TENM2: variants seen among roughly 807,000 people sequenced by gnomAD.
TENM2 encodes teneurin transmembrane protein 2.
In TENM2, 52 loss-of-function variants were observed where a neutral mutation model predicts 245.2. That is an observed-to-expected ratio of 0.21 (90% CI 0.17 to 0.27). The LOEUF is 0.27. Among genes scored for constraint, TENM2 ranks in the 10% least tolerant of loss-of-function variants. The pLI is 1.00. For synonymous variants in TENM2, 1,363 were observed against 1,438.9 expected (o/e 0.95, Z 1.19); for missense variants, 3,046 against 3,666.8 (o/e 0.83, Z 4.37).
intron 2 of TENM2, among the ~76,000 whole-genome samples, chr5:167,663,144 G>A (rs1284464739): frequency 2.4e-5 from 1 of 41,506 alleles, no homozygotes; most frequent in Non-Finnish European, 4.3e-5. Context: ...GGGATGGGGA[G>A]AGAGAGAGAG....
the TENM2 span, among the ~76,000 whole-genome samples, chr5:167,054,099 G>A: frequency 1.3e-5 from 2 of 152,132 alleles, no homozygotes; most frequent in African/African-American, 4.8e-5. Flanking sequence ...TGCACGTTAC[G>A]TGGGTTTTGA....
At position 167,901,067 on chromosome 5, in the gene TENM2, C is replaced by T. The variant is rs995344322; in HGVS notation, c.712+24872C>T. 1.5e-4 allele frequency among the ~76,000 whole-genome samples: 23 copies of T among 152,040 alleles called. 1 individual carries two copies. Among genetic ancestry groups the T allele is most frequent in the Admixed American group, 7.2e-4 (11 of 15,274 alleles). Reference sequence around the variant, plus strand: ...TGTTTTTTCCTACATTCTAAGAACACGACAGAATAATTGGAATATGCATGT... The same window carrying T: ...TGTTTTTTCCTACATTCTAAGAACATGACAGAATAATTGGAATATGCATGT... On this transcript the variant is annotated intron_variant, in intron 3 of 28. Coordinates refer to ENST00000518659, the Ensembl canonical transcript of TENM2.
At chr5:167,406,441 G>C (rs556357044) in intron 2 of TENM2, among the ~76,000 whole-genome samples, 1 of 152,256 alleles carries the variant, frequency 6.6e-6, no homozygotes, top group South Asian at 2.1e-4. Flanking sequence ...AGAGTAGATT[G>C]AGTATTTCGG....
chr5:167,590,097 G>C (rs1029507136), intron 2 of TENM2, among the ~76,000 whole-genome samples: 2 of 114,270 alleles, frequency 1.8e-5, no homozygotes, highest in Admixed American at 9.9e-5. Context: ...TGAATTCTCT[G>C]CTTGATTACA....
At chr5:168,108,661 T>C (rs1043410702) in intron 9 of TENM2, among the ~76,000 whole-genome samples, 2 of 152,158 alleles carry the variant, frequency 1.3e-5, no homozygotes, top group Admixed American at 1.3e-4. Context: ...GTCTGCCTGG[T>C]TCTGAAGCTT....
intron 2 of TENM2, among the ~76,000 whole-genome samples, chr5:167,723,105 A>T (rs1234822588): frequency 6.6e-6 from 1 of 151,714 alleles, no homozygotes; most frequent in African/African-American, 2.4e-5. Context: ...GCTTTTAAAA[A>T]AATTAAGGCT....
intron 4 of TENM2, chr5:167,953,541 G>A (rs1053729873): frequency 6.6e-6 from 1 of 152,548 alleles, no homozygotes; most frequent in Non-Finnish European, 1.5e-5. Flanking sequence ...AGGGTATGGA[G>A]GGGCTGGAAT....
At chr5:167,789,419 T>G (rs1230727912) in intron 2 of TENM2, among the ~76,000 whole-genome samples, 1 of 152,144 alleles carries the variant, frequency 6.6e-6, no homozygotes, top group African/African-American at 2.4e-5. Context: ...ATTCCTCGAC[T>G]TGAATGGATG....
chr5:167,670,603 T>G (rs1056957412), intron 2 of TENM2, among the ~76,000 whole-genome samples: 3 of 152,160 alleles, frequency 2.0e-5, no homozygotes, highest in African/African-American at 7.2e-5. Flanking sequence ...AAGAGTGTTC[T>G]TCAGACAGGA....
chr5:167,366,559 T>G (rs1438163985), intron 1 of TENM2, among the ~76,000 whole-genome samples: 1 of 152,160 alleles, frequency 6.6e-6, no homozygotes, highest in East Asian at 1.9e-4. Context: ...GCAGAAGTAA[T>G]TAATTCTAAG....
the TENM2 span, among the ~76,000 whole-genome samples, chr5:167,098,984 A>C: frequency 6.6e-6 from 1 of 152,178 alleles, no homozygotes; most frequent in Non-Finnish European, 1.5e-5. Flanking sequence ...TGTAACAAGT[A>C]CCTCAGTTGG....
At chr5:167,841,202 G>T (rs540531522) in intron 2 of TENM2, among the ~76,000 whole-genome samples, 1 of 151,804 alleles carries the variant, frequency 6.6e-6, no homozygotes, top group African/African-American at 2.4e-5. Flanking sequence ...GATTACAGGC[G>T]CCCACCACCA....
chr5:167,105,574 T>C, the TENM2 span, among the ~76,000 whole-genome samples: 1 of 151,956 alleles, frequency 6.6e-6, no homozygotes, highest in African/African-American at 2.4e-5. Context: ...TGTTGTTAGG[T>C]TAGGATAACA....
At chr5:167,524,118 C>G (rs1487345247) in intron 2 of TENM2, among the ~76,000 whole-genome samples, 1 of 152,134 alleles carries the variant, frequency 6.6e-6, no homozygotes, top group Non-Finnish European at 1.5e-5. Flanking sequence ...GAGTCAGCAT[C>G]TCTGAATTAG....
chr5:167,008,476 G>C, the TENM2 span, among the ~76,000 whole-genome samples: 1 of 151,910 alleles, frequency 6.6e-6, no homozygotes, highest in Non-Finnish European at 1.5e-5. Flanking sequence ...AATCTGATGA[G>C]TCAAACCAGT....
At chr5:167,353,336 G>A (rs915251619) in intron 1 of TENM2, among the ~76,000 whole-genome samples, 1 of 146,476 alleles carries the variant, frequency 6.8e-6, no homozygotes, top group Non-Finnish European at 1.5e-5. Flanking sequence ...GGGGTGGTGG[G>A]GGTGCAGAAA....
intron 2 of TENM2, among the ~76,000 whole-genome samples, chr5:167,605,829 G>A (rs1483058782): frequency 1.3e-5 from 2 of 152,090 alleles, no homozygotes; most frequent in Non-Finnish European, 2.9e-5. Context: ...TCTTTCCCGG[G>A]AATGCACATC....
chr5:167,976,704 A>G (rs1782467283), intron 4 of TENM2, among the ~76,000 whole-genome samples: 1 of 152,194 alleles, frequency 6.6e-6, no homozygotes, highest in Non-Finnish European at 1.5e-5. Context: ...CCCAAACTCA[A>G]TTATCAAGTC....
intron 9 of TENM2, among the ~76,000 whole-genome samples, chr5:168,104,799 G>A (rs985339036): frequency 6.6e-6 from 1 of 152,084 alleles, no homozygotes; most frequent in African/African-American, 2.4e-5. Flanking sequence ...AAATGAAACT[G>A]ACCTGCCATG....
Sources: allele counts gnomAD v4.1 joint callset (sites outside exome capture counted in the v4.1 genomes callset), GRCh38; gene constraint gnomAD v4.1.1; transcripts MANE v1.5; gene names NCBI Gene and HGNC (gene_info 2026-07-23, HGNC 2026-07-21).